EP400: variants seen among roughly 807,000 people sequenced by gnomAD.
EP400 encodes the protein E1A binding protein p400, also known as E1A-binding protein p400.
EP400 carries 105 observed loss-of-function variants against 354.1 expected under a neutral mutation model. That is an observed-to-expected ratio of 0.30 (90% CI 0.25 to 0.35). EP400 has a LOEUF of 0.35. EP400 is among the 10% of genes least tolerant of loss of function. EP400 has a pLI of 1.00. For missense variants in EP400, 3,280 were observed against 4,121.0 expected, an observed-to-expected ratio of 0.80 and a Z score of 5.59; for synonymous variants, 1,646 against 1,716.9, an observed-to-expected ratio of 0.96 and a Z score of 1.02.
At position 132,017,535 on chromosome 12, in the gene EP400, C is replaced by G. The variant is rs1460465454; in HGVS notation, c.3924C>G (p.Gly1308=). The change falls in exon 20 of 53, where the codon GGC becomes GGG. Residue 1308 remains glycine, a splice_region_variant and synonymous_variant. Transcript: ENST00000389561. This position sits in a 1 kb window ranked among gnomAD's most constrained non-coding sequence, Gnocchi z 5.0. ...ALYEDVILQP[G]TQEALKSGHF... Reference sequence around the variant, plus strand: ...TTCGTGTTTCTTTCTCCACGGGCAGCACTCAGGAGGCCTTGAAGAGCGGGC... The same window carrying G: ...TTCGTGTTTCTTTCTCCACGGGCAGGACTCAGGAGGCCTTGAAGAGCGGGC... 1 of 1,613,748 alleles carries G rather than the reference C, an allele frequency of 6.2e-7. No homozygotes were observed. The highest frequency in any genetic ancestry group is 2.2e-5 in the East Asian group (1 of 44,858).
intron 48 of EP400, 130 bp from the exon 49 acceptor site, chr12:132,066,628 CTCAGTTTTCCTTTCCT>C: frequency 2.4e-6 from 2 of 836,226 alleles, no homozygotes; most frequent in South Asian, 1.9e-5. Flanking sequence ...GTGCAGATCT[CTCAGTTTTCCTTTCCT>C]GTTGGGCCAC....
At chr12:132,009,046 T>A (rs1208805860) in intron 15 of EP400, among the ~76,000 whole-genome samples, 1 of 143,294 alleles carries the variant, frequency 7.0e-6, no homozygotes, top group East Asian at 2.3e-4. Context: ...CCTAAGGAGC[T>A]ACTTAGGAGG....
chr12:132,027,972 C>A lies in EP400; in HGVS notation c.5110-45C>A. 6.3e-7 allele frequency: 1 copy of A among 1,592,454 alleles called. No homozygotes were observed. The highest frequency in any genetic ancestry group is 1.1e-5 in the South Asian group (1 of 88,712). ...GGGGTTGGTGAAGACAGGAACTTGTCATTCTGTTTCTCAAGTAACTGTTTT... is the reference window on the plus strand; with the variant it reads ...GGGGTTGGTGAAGACAGGAACTTGTAATTCTGTTTCTCAAGTAACTGTTTT... On this transcript the variant is annotated intron_variant, in intron 26 of 52. Coordinates refer to ENST00000389561, the MANE Select transcript of EP400 (RefSeq NM_015409.5). This position sits in a 1 kb window ranked among gnomAD's most constrained non-coding sequence, Gnocchi z 4.9.
At chr12:131,992,126 T>G (rs777176546) in intron 10 of EP400, 47 bp from the exon 11 acceptor site, 2 of 1,588,528 alleles carry the variant, frequency 1.3e-6, no homozygotes, top group Non-Finnish European at 1.7e-6. Context: ...TTTCCCATTC[T>G]GAGTGTTTGG....
chr12:132,051,031 T>TTCTTAA, intron 41 of EP400: 3 of 334,796 alleles, frequency 9.0e-6, no homozygotes, highest in South Asian at 3.3e-5. Flanking sequence ...TAGGGGTGTG[T>TTCTTAA]GTACCTGCCC....
At chr12:131,959,649 C>T (rs1235316614) in intron 1 of EP400, among the ~76,000 whole-genome samples, 4 of 152,208 alleles carry the variant, frequency 2.6e-5, no homozygotes, top group Admixed American at 2.0e-4. Context: ...GCCAGAAAGG[C>T]AACTCACCCC....
chr12:132,026,331 G>T (rs1894303553), intron 25 of EP400, among the ~76,000 whole-genome samples: 2 of 152,156 alleles, frequency 1.3e-5, no homozygotes, highest in South Asian at 4.1e-4. Context: ...AGCCTAGAGG[G>T]GTGAGGCTCT....
chr12:132,020,165 C>T lies in EP400; in HGVS notation c.4394C>T (p.Pro1465Leu), dbSNP rs774823166. The change falls in exon 22 of 53, where the codon CCG becomes CTG. Residue 1465 changes from proline to leucine, a missense_variant. By Grantham distance (98) the Pro-to-Leu change is moderately conservative (BLOSUM62 -3). Coordinates refer to ENST00000389561, the MANE Select transcript of EP400 (RefSeq NM_015409.5). ...ACGGCCTCTGCTGCTCCACAGGGCC[C>T]GCTTCGAGGACGGCCGCCCATCGCC... The part of the protein sequence containing the change: ...PTTASAAPQG[P>L]LRGRPPIATF... 4.8e-5 allele frequency: 78 copies of T among 1,610,930 alleles called. No homozygotes were observed. Among genetic ancestry groups the T allele is most frequent in the Middle Eastern group, 1.6e-4 (1 of 6,072 alleles).
intron 12 of EP400, among the ~76,000 whole-genome samples, chr12:131,995,329 G>A (rs1057225073): frequency 6.6e-6 from 1 of 151,006 alleles, no homozygotes; most frequent in Non-Finnish European, 1.5e-5. Flanking sequence ...TGAATGTACC[G>A]TTCATCTTGA....
chr12:132,041,442 C>A (rs981552467), intron 32 of EP400, among the ~76,000 whole-genome samples: 4 of 152,214 alleles, frequency 2.6e-5, no homozygotes, highest in Non-Finnish European at 5.9e-5. Context: ...CTGACAGCAC[C>A]GCCTGCTTCT....
chr12:131,955,887 C>T (rs984699568), intron 1 of EP400, among the ~76,000 whole-genome samples: 4 of 152,184 alleles, frequency 2.6e-5, no homozygotes, highest in African/African-American at 9.7e-5. Flanking sequence ...CTCAGGTGAT[C>T]CGCCCGCCTC....
At chr12:131,957,674 C>T (rs986834140) in intron 1 of EP400, among the ~76,000 whole-genome samples, 1 of 152,046 alleles carries the variant, frequency 6.6e-6, no homozygotes, top group Non-Finnish European at 1.5e-5. Context: ...CGGCTCACTG[C>T]AACCTCCGCC....
chr12:132,051,894 G>A (rs1409202727), intron 41 of EP400, among the ~76,000 whole-genome samples: 2 of 152,112 alleles, frequency 1.3e-5, no homozygotes, highest in Admixed American at 6.5e-5. Context: ...ACCACGGTCC[G>A]CTTGGCAGTG....
chr12:132,050,302 C>T lies in EP400; in HGVS notation c.7201-21C>T, dbSNP rs779781314. 3.1e-6 allele frequency: 5 copies of T among 1,613,646 alleles called. No individual in the cohort carries two copies. The highest frequency in any genetic ancestry group is 1.3e-5 in the African/African-American group (1 of 74,904). On this transcript the variant is annotated intron_variant, in intron 39 of 52. Transcript: ENST00000389561. This position sits in a 1 kb window ranked among gnomAD's most constrained non-coding sequence, Gnocchi z 4.8. ...GTCCATGCTGCCTAATTCAGATGCA[C>T]TCTCGTCAATTTCATTGCAGAGTAA... is the stretch of plus-strand genomic sequence containing the variant.
intron 7 of EP400, 36 bp downstream of exon 7, chr12:131,987,926 C>T (rs375633127): frequency 1.1e-4 from 150 of 1,380,756 alleles, no homozygotes; most frequent in Non-Finnish European, 1.2e-4. Flanking sequence ...GTGCTGTGTG[C>T]GTTGGTGGGG....
Position 131,989,947 on chromosome 12 carries a change from G to C in EP400, c.2410-17G>C, listed in dbSNP as rs747513097. On this transcript the variant is annotated splice_polypyrimidine_tract_variant and intron_variant, in intron 7 of 52. Transcript: ENST00000389561. ...ACATAGAGTACAACATACAATTCTT[G>C]CACTTTTATTCACCAGCTCGTTAGA... 6.2e-7 allele frequency: 1 copy of C among 1,612,056 alleles called. No individual in the cohort carries two copies. The highest frequency in any genetic ancestry group is 1.1e-5 in the South Asian group (1 of 90,734).
At chr12:132,072,173 G>C (rs1011673905) in intron 51 of EP400, among the ~76,000 whole-genome samples, 3 of 152,146 alleles carry the variant, frequency 2.0e-5, no homozygotes, top group Non-Finnish European at 4.4e-5. Context: ...GTTGCCCAGG[G>C]TGGCCTCGAA....
At position 131,974,259 on chromosome 12, in the gene EP400, G is replaced by A. The variant is rs549568966; in HGVS notation, c.1336-5435G>A. Among the ~76,000 whole-genome samples, 16 of 152,124 alleles carry A rather than the reference G, an allele frequency of 1.1e-4. No individual in the cohort carries two copies. The South Asian group carries it at 1.9e-3, about 18-fold the overall frequency. Reference sequence around the variant, plus strand: ...CTCCCAAAGTGCTGGGATTACAGGCGTGAGCCACCGCGCCTGGCCAGTTTT... The same window carrying A: ...CTCCCAAAGTGCTGGGATTACAGGCATGAGCCACCGCGCCTGGCCAGTTTT... On this transcript the variant is annotated intron_variant, in intron 2 of 52. Transcript: ENST00000389561.
In EP400 at chr12:131,992,238, C is replaced by T. The variant is rs771042250; in HGVS notation, c.2737+8C>T. ...CTTTGACTGATGACGAAGGTCTGTT[C>T]CCCCTCAGCACTATCTTTGTCATCT... On this transcript the variant is annotated splice_region_variant and intron_variant, in intron 11 of 52. Transcript: ENST00000389561. 4 of 1,608,384 alleles carry T rather than the reference C, an allele frequency of 2.5e-6. No individual in the cohort carries two copies. Among genetic ancestry groups the T allele is most frequent in the African/African-American group, 2.7e-5 (2 of 74,818 alleles).
Sources: gnomAD v4.1 joint callset for allele counts (sites outside exome capture counted in the v4.1 genomes callset) on GRCh38, gnomAD v4.1.1 for gene constraint, Gnocchi (gnomAD v3.1) non-coding constraint, MANE v1.5 for transcripts, NCBI Gene and HGNC (gene_info 2026-07-23, HGNC 2026-07-21) for gene names.